NCOA2: variants seen among roughly 807,000 people sequenced by gnomAD.
The protein encoded by NCOA2 is class E basic helix-loop-helix protein 75.
A neutral mutation model predicts 145.1 loss-of-function variants in NCOA2; 21 were observed. The ratio of observed to expected loss-of-function variants is 0.14; its 90% CI spans 0.10 to 0.21. The LOEUF is 0.21. NCOA2 is among the 10% of genes least tolerant of loss of function. NCOA2 has a pLI of 1.00. For missense variants in NCOA2, 1,472 were observed against 1,837.6 expected, an observed-to-expected ratio of 0.80 and a Z score of 3.64; for synonymous variants, 619 against 637.5, an observed-to-expected ratio of 0.97 and a Z score of 0.44.
At chr8:70,355,612 G>A (rs961340339) in intron 1 of NCOA2, among the ~76,000 whole-genome samples, 1 of 150,464 alleles carries the variant, frequency 6.6e-6, no homozygotes, top group African/African-American at 2.5e-5. Context: ...CGGCTATCGT[G>A]TTAGCATAGT....
chr8:70,161,419 T>C (rs1312500452), intron 9 of NCOA2, among the ~76,000 whole-genome samples: 2 of 152,234 alleles, frequency 1.3e-5, no homozygotes, highest in South Asian at 4.1e-4. Context: ...CATTATTTCC[T>C]TGTATTCTTT....
At chr8:70,155,877 T>C (rs1812224352) in intron 11 of NCOA2, 94 bp downstream of exon 11, 1 of 992,682 alleles carries the variant, frequency 1.0e-6, no homozygotes, top group Non-Finnish European at 1.4e-6. Context: ...AGCTTATTTT[T>C]ATCCAATCAC....
chr8:70,123,327 G>C (rs997904252), intron 21 of NCOA2, among the ~76,000 whole-genome samples: 2 of 152,106 alleles, frequency 1.3e-5, no homozygotes, highest in African/African-American at 4.8e-5. Flanking sequence ...TTTTCATCTG[G>C]TTTTACACTT....
In NCOA2 at chr8:70,339,108, T is replaced by G. The variant is rs980166267; in HGVS notation, c.-76-42308A>C. Among the ~76,000 whole-genome samples the G allele has an allele frequency of 2.6e-5, 4 of 152,120 alleles. 1 individual carries two copies. Among genetic ancestry groups the G allele is most frequent in the Middle Eastern group, 3.4e-3 (1 of 294 alleles). On this transcript the variant is annotated intron_variant, in intron 1 of 22. Coordinates refer to ENST00000452400, the MANE Select transcript of NCOA2 (RefSeq NM_006540.4). ...AGGGCAATCAGTCAAGAGAAAGAAA[T>G]AAAGGGTATTCAAATAGGAAGAAAG...
chr8:70,272,770 T>A (rs1174716082), intron 2 of NCOA2, among the ~76,000 whole-genome samples: 1 of 152,200 alleles, frequency 6.6e-6, no homozygotes, highest in African/African-American at 2.4e-5. Flanking sequence ...GGCTGAATGT[T>A]AATTTCCTAA....
intron 21 of NCOA2, among the ~76,000 whole-genome samples, chr8:70,121,735 T>C (rs1807842623): frequency 6.6e-6 from 1 of 152,202 alleles, no homozygotes; most frequent in African/African-American, 2.4e-5. Context: ...TGACTCACAT[T>C]TGGGACTTTG....
At chr8:70,209,925 A>C (rs1369728314) in intron 4 of NCOA2, among the ~76,000 whole-genome samples, 1 of 152,212 alleles carries the variant, frequency 6.6e-6, no homozygotes, top group Non-Finnish European at 1.5e-5. Flanking sequence ...GAATAGAAGC[A>C]ATATTAGCCT....
chr8:70,324,185 A>G (rs1806344933), intron 1 of NCOA2, among the ~76,000 whole-genome samples: 1 of 152,318 alleles, frequency 6.6e-6, no homozygotes, highest in South Asian at 2.1e-4. Flanking sequence ...TTATCAATAT[A>G]TGCTATCTAA....
At chr8:70,114,349 T>C (rs1806850357) in intron 22 of NCOA2, among the ~76,000 whole-genome samples, 1 of 152,200 alleles carries the variant, frequency 6.6e-6, no homozygotes, top group African/African-American at 2.4e-5. Context: ...TTGCTGGTTT[T>C]TGGCTGCTAT....
intron 15 of NCOA2, among the ~76,000 whole-genome samples, chr8:70,137,672 T>C (rs1809893608): frequency 6.6e-6 from 1 of 152,240 alleles, no homozygotes; most frequent in Admixed American, 6.5e-5. Context: ...GCTATCTACC[T>C]GGGGCATGCT....
At chr8:70,185,732 G>A (rs940620050) in intron 4 of NCOA2, among the ~76,000 whole-genome samples, 1 of 152,170 alleles carries the variant, frequency 6.6e-6, no homozygotes, top group Non-Finnish European at 1.5e-5. Context: ...ATTTGCTTCA[G>A]TCAAATCAAC....
chr8:70,242,098 T>C (rs952310640), intron 2 of NCOA2, among the ~76,000 whole-genome samples: 3 of 152,174 alleles, frequency 2.0e-5, no homozygotes, highest in Admixed American at 6.6e-5. Context: ...TAAGGACTTA[T>C]AGAAACAAAA....
At chr8:70,313,008 A>G (rs1174816971) in intron 1 of NCOA2, among the ~76,000 whole-genome samples, 1 of 152,234 alleles carries the variant, frequency 6.6e-6, no homozygotes, top group African/African-American at 2.4e-5. Flanking sequence ...AATGTACATC[A>G]GAGAAATAAC....
rs745769277 is a variant in NCOA2, at chr8:70,166,731, C to T, written c.565G>A (p.Glu189Lys). ...SIVNGGSWSG[E>K]PPRRNSHTFN... The stretch of plus-strand genomic sequence containing the variant: ...GTATGGCTGTTCCGCCTCGGAGGTT[C>T]GCCAGACCAAGATCCCCCATTTACT... The change falls in exon 7 of 23, where the codon GAA becomes AAA. Residue 189 changes from glutamate to lysine, a missense_variant. Around this residue, in one of 4 missense-constraint regions of NCOA2, gnomAD observed 284 missense variants for 467.8 expected, o/e 0.61. Coordinates refer to ENST00000452400, the MANE Select transcript of NCOA2 (RefSeq NM_006540.4). The T allele has an allele frequency of 6.2e-7, 1 of 1,613,860 alleles. No homozygotes were observed. Among genetic ancestry groups the T allele is most frequent in the Non-Finnish European group, 8.5e-7 (1 of 1,179,842 alleles).
At chr8:70,449,841 G>A in the NCOA2 span, among the ~76,000 whole-genome samples, 1 of 152,164 alleles carries the variant, frequency 6.6e-6, no homozygotes, top group East Asian at 1.9e-4. Flanking sequence ...AGAAAGCATC[G>A]ATGTCAACCT....
At chr8:70,175,688 G>A (rs1223166478) in intron 4 of NCOA2, among the ~76,000 whole-genome samples, 4 of 152,320 alleles carry the variant, frequency 2.6e-5, no homozygotes, top group Admixed American at 6.5e-5. Context: ...AAAGTTTACA[G>A]CATAACACAT....
chr8:70,338,104 G>A (rs116100793), intron 1 of NCOA2, among the ~76,000 whole-genome samples: 2 of 151,248 alleles, frequency 1.3e-5, no homozygotes, highest in Non-Finnish European at 2.9e-5. Context: ...TCAATTGAAG[G>A]AGATAGAGAC....
rs139093806 is a variant in NCOA2, at chr8:70,192,014, C to T, written c.260-17155G>A. ...CTGAGATCGTGCCACTGCACTCCAG[C>T]CTGGGCGAGAGAGTGAGAATCCGTC... On this transcript the variant is annotated intron_variant, in intron 4 of 22. Transcript: ENST00000452400. Among the ~76,000 whole-genome samples the T allele has an allele frequency of 5.8e-3, 880 of 152,182 alleles. 6 individuals carry two copies. The highest frequency in any genetic ancestry group is 0.014 in the Middle Eastern group (4 of 292).
intron 4 of NCOA2, among the ~76,000 whole-genome samples, chr8:70,200,769 G>GT (rs1477939493): frequency 6.6e-6 from 1 of 152,060 alleles, no homozygotes; most frequent in African/African-American, 2.4e-5. Flanking sequence ...AAATGTGAAT[G>GT]TAAGGCCAGG....
Sources: gnomAD v4.1 joint callset for allele counts (sites outside exome capture counted in the v4.1 genomes callset) on GRCh38, gnomAD v4.1.1 for gene constraint, gnomAD v4.1.1 regional missense constraint, MANE v1.5 for transcripts, NCBI Gene and HGNC (gene_info 2026-07-23, HGNC 2026-07-21) for gene names.